The following SKIC3 variants were observed in gnomAD, a reference collection of about 807,000 sequenced individuals.
The protein encoded by SKIC3 is superkiller complex protein 3.
the SKIC3 span, among the ~76,000 whole-genome samples, chr5:95,540,501 A>G: frequency 6.6e-6 from 1 of 152,228 alleles, no homozygotes; most frequent in Non-Finnish European, 1.5e-5. Context: ...CCAATAAAAA[A>G]TGAGCAAAGA....
the SKIC3 span, among the ~76,000 whole-genome samples, chr5:95,475,523 G>C: frequency 6.6e-6 from 1 of 152,136 alleles, no homozygotes; most frequent in Non-Finnish European, 1.5e-5. Context: ...GGTCTCCCCA[G>C]AAGCAGAAGT....
the SKIC3 span, among the ~76,000 whole-genome samples, chr5:95,527,159 T>C: frequency 1.8e-3 from 268 of 152,336 alleles, no homozygotes; most frequent in African/African-American, 6.3e-3. Flanking sequence ...AGCCCTTTTA[T>C]AGTTTCTTGC....
At chr5:95,464,262 G>A in the SKIC3 span, 49 of 177,736 alleles carry the variant, frequency 2.8e-4, no homozygotes, top group Non-Finnish European at 4.5e-4. Flanking sequence ...CATAGAAAAT[G>A]GCTATTAAGG....
the SKIC3 span, among the ~76,000 whole-genome samples, chr5:95,535,423 G>A: frequency 1.4e-5 from 2 of 146,766 alleles, no homozygotes; most frequent in South Asian, 4.2e-4. Context: ...CGATTCTCCT[G>A]CCTCAGCCTC....
the SKIC3 span, chr5:95,482,601 C>T: frequency 3.8e-5 from 61 of 1,613,824 alleles, no homozygotes; most frequent in East Asian, 4.5e-5. Context: ...AGTAAGATAA[C>T]GGCTGGCTGA....
chr5:95,506,127 T>C, the SKIC3 span, among the ~76,000 whole-genome samples: 1 of 152,232 alleles, frequency 6.6e-6, no homozygotes, highest in African/African-American at 2.4e-5. Context: ...AACTTTTAAG[T>C]ATTTTTTTCA....
chr5:95,478,654 G>A, the SKIC3 span, among the ~76,000 whole-genome samples: 375 of 152,038 alleles, frequency 2.5e-3, 5 homozygotes, highest in East Asian at 0.044. Context: ...AATTGACCCC[G>A]GCAATATATA....
At chr5:95,477,096 C>T in the SKIC3 span, among the ~76,000 whole-genome samples, 1 of 152,108 alleles carries the variant, frequency 6.6e-6, no homozygotes, top group Non-Finnish European at 1.5e-5. Context: ...GTTATAGGTA[C>T]TATGTGCAGC....
At chr5:95,516,130 A>G in the SKIC3 span, among the ~76,000 whole-genome samples, 7 of 152,246 alleles carry the variant, frequency 4.6e-5, no homozygotes, top group African/African-American at 1.4e-4. Flanking sequence ...CAACATAATC[A>G]CAAAACCAGA....
chr5:95,482,357 G>T, the SKIC3 span: 1 of 1,093,238 alleles, frequency 9.1e-7, no homozygotes, highest in East Asian at 2.4e-5. Context: ...TTGAAACTGA[G>T]AGATAACATG....
At chr5:95,497,392 C>T in the SKIC3 span, 5 of 1,585,778 alleles carry the variant, frequency 3.2e-6, no homozygotes, top group Admixed American at 8.4e-5. Flanking sequence ...TATCTCTTTG[C>T]TAGAATTTGA....
the SKIC3 span, among the ~76,000 whole-genome samples, chr5:95,537,823 C>T: frequency 6.6e-6 from 1 of 152,148 alleles, no homozygotes; most frequent in Non-Finnish European, 1.5e-5. Context: ...AATGAATACT[C>T]ATGACTTAAT....
chr5:95,500,316 TAAA>T, the SKIC3 span, among the ~76,000 whole-genome samples: 1 of 152,182 alleles, frequency 6.6e-6, no homozygotes, highest in African/African-American at 2.4e-5. Flanking sequence ...CCAGAAGGGT[TAAA>T]CCAGGTCAAA....
chr5:95,503,036 T>C, the SKIC3 span: 6 of 1,612,834 alleles, frequency 3.7e-6, no homozygotes, highest in Non-Finnish European at 5.1e-6. Context: ...AACAAAACAA[T>C]ATAAAAGCCA....
chr5:95,505,656 AC>A, the SKIC3 span, among the ~76,000 whole-genome samples: 3 of 152,070 alleles, frequency 2.0e-5, no homozygotes, highest in Non-Finnish European at 2.9e-5. Context: ...TACTAAAAAT[AC>A]AAAAAATTAG....
the SKIC3 span, among the ~76,000 whole-genome samples, chr5:95,490,485 T>C: frequency 9.3e-5 from 13 of 140,108 alleles, no homozygotes; most frequent in Non-Finnish European, 1.8e-4. Flanking sequence ...TTCATAAAAA[T>C]ATACATATAT....
the SKIC3 span, among the ~76,000 whole-genome samples, chr5:95,543,604 A>G: frequency 1.3e-5 from 2 of 152,164 alleles, no homozygotes; most frequent in Non-Finnish European, 2.9e-5. Flanking sequence ...CTCTTTGAGA[A>G]TACTGGGTAT....
chr5:95,509,909 A>AT, the SKIC3 span, among the ~76,000 whole-genome samples: 1 of 152,158 alleles, frequency 6.6e-6, no homozygotes, highest in Non-Finnish European at 1.5e-5. Flanking sequence ...TTTTAGTTGT[A>AT]TTTTAGAATT....
the SKIC3 span, among the ~76,000 whole-genome samples, chr5:95,473,600 T>C: frequency 1.6e-4 from 25 of 152,330 alleles, 1 homozygote; most frequent in East Asian, 1.2e-3. Flanking sequence ...TTTTTAATAA[T>C]AGCCATTCTG....
Sources: allele counts gnomAD v4.1 joint callset (sites outside exome capture counted in the v4.1 genomes callset), GRCh38; gene constraint gnomAD v4.1.1; transcripts MANE v1.5; gene names NCBI Gene and HGNC (gene_info 2026-07-23, HGNC 2026-07-21).